Variants in PHLPP1 observed in about 807,000 individuals in gnomAD.
The protein encoded by PHLPP1 is PH domain and leucine rich repeat protein phosphatase 1.
PHLPP1 carries 42 observed loss-of-function variants against 117.2 expected under a neutral mutation model. The ratio of observed to expected loss-of-function variants is 0.36; its 90% CI spans 0.28 to 0.46. The LOEUF (loss-of-function observed/expected upper bound fraction) is 0.46, where lower values mean the gene tolerates loss of function less well. PHLPP1 is among the 20% of genes least tolerant of loss of function. The pLI is 1.00. For missense variants in PHLPP1, 2,084 were observed against 2,241.9 expected, an observed-to-expected ratio of 0.93 and a Z score of 1.42; for synonymous variants, 1,042 against 970.7, an observed-to-expected ratio of 1.07 and a Z score of -1.37.
intron 1 of PHLPP1, among the ~76,000 whole-genome samples, chr18:62,783,038 A>C (rs1254081322): frequency 1.4e-5 from 2 of 141,154 alleles, no homozygotes; most frequent in Non-Finnish European, 3.2e-5. Flanking sequence ...GAGAATCTTT[A>C]AATAATTTAG....
At chr18:62,763,338 T>C (rs1912322263) in intron 1 of PHLPP1, among the ~76,000 whole-genome samples, 1 of 152,230 alleles carries the variant, frequency 6.6e-6, no homozygotes, top group Admixed American at 6.5e-5. Context: ...CCGGTGGAAC[T>C]CGGGAGGAAG....
At chr18:62,795,199 C>G (rs749345854) in intron 1 of PHLPP1, among the ~76,000 whole-genome samples, 2 of 151,880 alleles carry the variant, frequency 1.3e-5, no homozygotes, top group African/African-American at 4.8e-5. Flanking sequence ...AAAAACTGGC[C>G]GGGCGCGATG....
rs566502820 is a variant in PHLPP1 at position 62,820,092 on chromosome 18, A to C, written c.1577-9943A>C. ...AGATTTTAGAGAAAACAGTATAATC[A>C]GTGATAAAGAAGGTCATTTTATAAT... On this transcript the variant is annotated intron_variant, in intron 1 of 16. Transcript: ENST00000262719. Among the ~76,000 whole-genome samples, 13 of 152,378 alleles carry C rather than the reference A, an allele frequency of 8.5e-5. No individual in the cohort carries two copies. The East Asian group carries it at 2.5e-3, about 29-fold the overall frequency.
chr18:62,746,210 T>A (rs968723503), intron 1 of PHLPP1, among the ~76,000 whole-genome samples: 2 of 152,022 alleles, frequency 1.3e-5, no homozygotes, highest in African/African-American at 2.4e-5. Flanking sequence ...CATACCCGGC[T>A]AATTTTGTAT....
intron 10 of PHLPP1, among the ~76,000 whole-genome samples, chr18:62,932,828 C>T (rs760272525): frequency 4.6e-5 from 7 of 152,044 alleles, no homozygotes; most frequent in Non-Finnish European, 1.0e-4. Flanking sequence ...TCAAATTATC[C>T]GTTCGTTGAT....
intron 1 of PHLPP1, among the ~76,000 whole-genome samples, chr18:62,820,769 T>C (rs1914428258): frequency 6.6e-6 from 1 of 152,230 alleles, no homozygotes; most frequent in African/African-American, 2.4e-5. Context: ...TATAGCAGTA[T>C]GAAAACTAAT....
At chr18:62,729,646 G>C (rs1383102796) in intron 1 of PHLPP1, among the ~76,000 whole-genome samples, 1 of 152,052 alleles carries the variant, frequency 6.6e-6, no homozygotes, top group African/African-American at 2.4e-5. Flanking sequence ...CTGCGCTCCA[G>C]CCTGGGTGAC....
At chr18:62,895,659 GCATTTTGCGAAGAATAATA>G in intron 5 of PHLPP1, 103 bp from the exon 6 acceptor site, 1 of 656,014 alleles carries the variant, frequency 1.5e-6, no homozygotes, top group Non-Finnish European at 2.7e-6. Context: ...CTGCCCTTAG[GCATTTTGCGAAGAATAATA>G]CATTTTCTGG....
chr18:62,892,824 C>A (rs573295937), intron 4 of PHLPP1, among the ~76,000 whole-genome samples: 14 of 147,798 alleles, frequency 9.5e-5, no homozygotes, highest in Non-Finnish European at 1.9e-4. Context: ...TGCAGTGAGC[C>A]GAGATCGCAC....
chr18:62,912,751 C>A (rs1916992356), intron 8 of PHLPP1, among the ~76,000 whole-genome samples: 1 of 152,128 alleles, frequency 6.6e-6, no homozygotes, highest in Non-Finnish European at 1.5e-5. Context: ...TCCTGAGCAG[C>A]TGGGATTACA....
chr18:62,766,060 CAA>C lies in PHLPP1; in HGVS notation c.1576+48817_1576+48818del, dbSNP rs1168861892. ...TGGGCGACAGAGCTAGACTCCATCT[CAA>C]AAAAAAAAAAAAAAATATATATATA... On this transcript the variant is annotated intron_variant, in intron 1 of 16. Coordinates refer to ENST00000262719, the MANE Select transcript of PHLPP1 (RefSeq NM_194449.4). Among the ~76,000 whole-genome samples, 136 of 15,226 alleles carry C rather than the reference CAA, an allele frequency of 8.9e-3. 2 individuals are homozygous for C. The highest frequency in any genetic ancestry group is 0.038 in the Middle Eastern group (1 of 26). 10.0% of individuals were successfully genotyped at this position (15,226 alleles called of 152,430 possible).
intron 2 of PHLPP1, 186 bp from the exon 3 acceptor site, chr18:62,838,598 T>A: frequency 1.9e-6 from 1 of 515,020 alleles, no homozygotes. Context: ...AAACTCCCCC[T>A]TTTTTGGTTT....
intron 1 of PHLPP1, among the ~76,000 whole-genome samples, chr18:62,793,978 C>T (rs1913545030): frequency 6.6e-6 from 1 of 152,156 alleles, no homozygotes; most frequent in South Asian, 2.1e-4. Flanking sequence ...TTGTTGCTAT[C>T]CACATATATA....
At chr18:62,766,192 TCA>T (rs1912521422) in intron 1 of PHLPP1, among the ~76,000 whole-genome samples, 1 of 145,988 alleles carries the variant, frequency 6.8e-6, no homozygotes, top group Admixed American at 6.9e-5. Context: ...GAAAACTGTT[TCA>T]GTCAGCAAGT....
chr18:62,845,384 A>C (rs559807656), intron 3 of PHLPP1, among the ~76,000 whole-genome samples: 1 of 152,160 alleles, frequency 6.6e-6, no homozygotes, highest in Non-Finnish European at 1.5e-5. Flanking sequence ...AGTGTAGGCA[A>C]ATCGGAGCCA....
chr18:62,790,480 T>C (rs1294216013), intron 1 of PHLPP1, among the ~76,000 whole-genome samples: 1 of 152,198 alleles, frequency 6.6e-6, no homozygotes, highest in East Asian at 1.9e-4. Context: ...TTATGACATA[T>C]TCAAAAGTAT....
At chr18:62,905,150 G>T in intron 7 of PHLPP1, 74 bp from the exon 8 acceptor site, 2 of 796,630 alleles carry the variant, frequency 2.5e-6, no homozygotes, top group Non-Finnish European at 3.7e-6. Flanking sequence ...CAGTAATGAC[G>T]TTCCACATAC....
chr18:62,728,074 C>T (rs995489652), intron 1 of PHLPP1, among the ~76,000 whole-genome samples: 2 of 152,066 alleles, frequency 1.3e-5, no homozygotes, highest in South Asian at 2.1e-4. Flanking sequence ...GCGGGCAGAT[C>T]ACCTGATGTC....
At chr18:62,766,261 T>G (rs1214547299) in intron 1 of PHLPP1, among the ~76,000 whole-genome samples, 1 of 150,380 alleles carries the variant, frequency 6.6e-6, no homozygotes, top group African/African-American at 2.4e-5. Flanking sequence ...TTGAGGTTCC[T>G]TGGTGCTGCA....
Sources: gnomAD v4.1 joint callset for allele counts (sites outside exome capture counted in the v4.1 genomes callset) on GRCh38, gnomAD v4.1.1 for gene constraint, MANE v1.5 for transcripts, NCBI Gene and HGNC (gene_info 2026-07-23, HGNC 2026-07-21) for gene names.